FTCDNL1: variants seen among roughly 807,000 people sequenced by gnomAD.
FTCDNL1 encodes formiminotransferase N-terminal subdomain-containing protein.
FTCDNL1 carries 11 observed loss-of-function variants against 5.9 expected under a neutral mutation model. The ratio of observed to expected loss-of-function variants is 1.87; its 90% CI spans 1.18 to 3.10. The LOEUF (loss-of-function observed/expected upper bound fraction) is 3.10. Among genes scored for constraint, FTCDNL1 ranks in the 30% most tolerant of loss-of-function variants. The pLI is 0.00. For missense variants in FTCDNL1, 115 were observed against 65.5 expected (o/e 1.76, Z -2.61); for synonymous variants, 58 against 24.8 (o/e 2.34, Z -3.99).
At chr2:199,669,100 C>A in the FTCDNL1 span, among the ~76,000 whole-genome samples, 1 of 152,054 alleles carries the variant, frequency 6.6e-6, no homozygotes, top group Admixed American at 6.6e-5. Flanking sequence ...GCTGAGAAGT[C>A]CAACTCACTA....
At chr2:199,812,988 C>T (rs1283827818) in intron 4 of FTCDNL1, among the ~76,000 whole-genome samples, 1 of 152,052 alleles carries the variant, frequency 6.6e-6, no homozygotes, top group East Asian at 1.9e-4. Context: ...TTGTTGAGAC[C>T]TTATGGTGAA....
the FTCDNL1 span, among the ~76,000 whole-genome samples, chr2:199,733,715 T>C: frequency 2.6e-5 from 4 of 152,192 alleles, no homozygotes; most frequent in African/African-American, 9.6e-5. Flanking sequence ...CACCTCAAAA[T>C]GTGGTCCGCA....
At chr2:199,743,400 T>C in the FTCDNL1 span, among the ~76,000 whole-genome samples, 2 of 152,380 alleles carry the variant, frequency 1.3e-5, no homozygotes, top group East Asian at 3.8e-4. Flanking sequence ...ATTCTTTTCT[T>C]GAATGTTAGC....
chr2:199,746,149 A>T, the FTCDNL1 span, among the ~76,000 whole-genome samples: 1 of 152,180 alleles, frequency 6.6e-6, no homozygotes, highest in African/African-American at 2.4e-5. Flanking sequence ...CCAAGGTTTT[A>T]TGTTAAAGCA....
At chr2:199,762,693 C>A (rs1314790935) in intron 3 of FTCDNL1, among the ~76,000 whole-genome samples, 1 of 152,212 alleles carries the variant, frequency 6.6e-6, no homozygotes, top group Non-Finnish European at 1.5e-5. Context: ...TACACTCTGA[C>A]TTTCAGGTGC....
intron 3 of FTCDNL1, among the ~76,000 whole-genome samples, chr2:199,828,392 G>A (rs927327756): frequency 6.6e-6 from 1 of 152,176 alleles, no homozygotes; most frequent in Non-Finnish European, 1.5e-5. Context: ...GTGGAAAACT[G>A]TCTCATCAGT....
At chr2:199,672,860 G>A in the FTCDNL1 span, among the ~76,000 whole-genome samples, 1 of 151,986 alleles carries the variant, frequency 6.6e-6, no homozygotes, top group Non-Finnish European at 1.5e-5. Context: ...ACTGTTAGGA[G>A]GTTGCCCCCC....
At chr2:199,713,380 A>G in the FTCDNL1 span, among the ~76,000 whole-genome samples, 1 of 152,182 alleles carries the variant, frequency 6.6e-6, no homozygotes, top group Non-Finnish European at 1.5e-5. Context: ...TTGGAAATGA[A>G]TAAGGTGAGC....
chr2:199,672,721 T>C, the FTCDNL1 span, among the ~76,000 whole-genome samples: 1 of 151,992 alleles, frequency 6.6e-6, no homozygotes, highest in Non-Finnish European at 1.5e-5. Flanking sequence ...TCTCTCTGCT[T>C]GTTCTCTGCA....
rs529526121 is a variant in FTCDNL1 at position 199,832,955 on chromosome 2, T to C, written c.211+13120A>G. 2.3e-3 allele frequency among the ~76,000 whole-genome samples: 345 copies of C among 151,952 alleles called. 1 individual carries two copies. The highest frequency in any genetic ancestry group is 7.9e-3 in the African/African-American group (327 of 41,400). On this transcript the variant is annotated intron_variant, in intron 3 of 4. Coordinates refer to ENST00000420128, the MANE Select transcript of FTCDNL1 (RefSeq NM_001363886.2). ...AGCAGACGTGGGATTTGAACTCAGA[T>C]TGTTCAGCTCCCTAATTTTTTTTTT...
the FTCDNL1 span, among the ~76,000 whole-genome samples, chr2:199,725,747 G>C: frequency 7.5e-4 from 114 of 152,300 alleles, 1 homozygote; most frequent in African/African-American, 2.7e-3. Context: ...TTTCTGCTGA[G>C]AGGTCCACTG....
downstream of FTCDNL1, among the ~76,000 whole-genome samples, chr2:199,809,242 G>A (rs964740890): frequency 6.6e-6 from 1 of 151,050 alleles, no homozygotes; most frequent in Non-Finnish European, 1.5e-5. Flanking sequence ...GATTGAGTTC[G>A]GCCTTTTTTT....
chr2:199,741,162 A>G, the FTCDNL1 span, among the ~76,000 whole-genome samples: 2 of 152,132 alleles, frequency 1.3e-5, no homozygotes, highest in African/African-American at 4.8e-5. Flanking sequence ...TGCCTTGGGT[A>G]TTTTAGAGTT....
chr2:199,839,217 T>C (rs1313146617), intron 3 of FTCDNL1, among the ~76,000 whole-genome samples: 1 of 151,636 alleles, frequency 6.6e-6, no homozygotes, highest in Admixed American at 6.6e-5. Context: ...TGAGGGGAGA[T>C]TATACAGGAA....
At chr2:199,701,362 G>T in the FTCDNL1 span, among the ~76,000 whole-genome samples, 7 of 134,676 alleles carry the variant, frequency 5.2e-5, no homozygotes, top group Non-Finnish European at 1.1e-4. Context: ...ACCACCGCAT[G>T]CTGGCAAGGT....
the FTCDNL1 span, among the ~76,000 whole-genome samples, chr2:199,664,113 A>T: frequency 1.3e-5 from 2 of 152,152 alleles, no homozygotes; most frequent in Non-Finnish European, 2.9e-5. Flanking sequence ...AATAAATATA[A>T]GGAGAGTAAC....
chr2:199,792,047 C>G (rs1699955556), intron 3 of FTCDNL1, among the ~76,000 whole-genome samples: 1 of 151,790 alleles, frequency 6.6e-6, no homozygotes, highest in Admixed American at 6.6e-5. Context: ...TGAATTTTGT[C>G]TTTTCCTCCG....
chr2:199,823,222 T>C (rs1171394033), intron 3 of FTCDNL1, among the ~76,000 whole-genome samples: 5 of 152,326 alleles, frequency 3.3e-5, no homozygotes, highest in Middle Eastern at 3.4e-3. Flanking sequence ...TTTAGTTTTC[T>C]TGCTATTTTC....
intron 3 of FTCDNL1, among the ~76,000 whole-genome samples, chr2:199,788,838 A>C (rs1233863581): frequency 1.3e-5 from 2 of 152,074 alleles, no homozygotes; most frequent in African/African-American, 4.8e-5. Context: ...TAAGAGCAAT[A>C]GGATGTATAA....
Sources: gnomAD v4.1 joint callset for allele counts (sites outside exome capture counted in the v4.1 genomes callset) on GRCh38, gnomAD v4.1.1 for gene constraint, MANE v1.5 for transcripts, NCBI Gene and HGNC (gene_info 2026-07-23, HGNC 2026-07-21) for gene names.